Variants in KCNB2 observed in about 807,000 individuals in gnomAD.
KCNB2 encodes the protein delayed rectifier potassium channel protein.
KCNB2 carries 15 observed loss-of-function variants against 61.5 expected under a neutral mutation model. The ratio of observed to expected loss-of-function variants is 0.24; its 90% CI spans 0.16 to 0.38. The LOEUF is 0.38. KCNB2 is among the 10% of genes least tolerant of loss of function. KCNB2 has a pLI of 1.00. For synonymous variants in KCNB2, 457 were observed against 446.0 expected (o/e 1.02, Z -0.31); for missense variants, 828 against 1,125.2 (o/e 0.74, Z 3.78).
intron 2 of KCNB2, among the ~76,000 whole-genome samples, chr8:72,592,964 G>A (rs1369516743): frequency 7.9e-5 from 12 of 151,982 alleles, no homozygotes; most frequent in African/African-American, 2.9e-4. Context: ...AGAATCTAAG[G>A]GAATAAAAAT....
intron 2 of KCNB2, among the ~76,000 whole-genome samples, chr8:72,721,139 TA>T (rs1468589803): frequency 2.0e-5 from 3 of 152,352 alleles, no homozygotes; most frequent in African/African-American, 7.2e-5. Flanking sequence ...ACTGAAACTT[TA>T]AAATTGAAAC....
intron 1 of KCNB2, among the ~76,000 whole-genome samples, chr8:72,547,112 T>C (rs1208762491): frequency 2.0e-5 from 3 of 152,236 alleles, no homozygotes; most frequent in Admixed American, 1.3e-4. Context: ...CAATGAAGCC[T>C]GAATGAACAA....
chr8:72,729,267 G>A (rs566934795), intron 2 of KCNB2, among the ~76,000 whole-genome samples: 12 of 152,250 alleles, frequency 7.9e-5, no homozygotes, highest in East Asian at 1.9e-4. Flanking sequence ...CTAGGAATGC[G>A]CACCAATACT....
chr8:72,655,421 CCCTGAA>C (rs1192345254), intron 2 of KCNB2, among the ~76,000 whole-genome samples: 2 of 151,822 alleles, frequency 1.3e-5, no homozygotes, highest in East Asian at 3.9e-4. Flanking sequence ...GTATAACAAA[CCCTGAA>C]CCTAAAATAA....
intron 2 of KCNB2, among the ~76,000 whole-genome samples, chr8:72,578,133 C>T (rs1295601026): frequency 1.3e-5 from 2 of 152,158 alleles, no homozygotes; most frequent in Non-Finnish European, 2.9e-5. Context: ...CTCTGAAGAA[C>T]AGCAACAGAG....
chr8:72,836,031 A>G (rs1017511199), intron 2 of KCNB2, among the ~76,000 whole-genome samples: 14 of 152,202 alleles, frequency 9.2e-5, no homozygotes, highest in Admixed American at 7.9e-4. Context: ...AAAATTTTCA[A>G]TTGGGATGTT....
chr8:72,738,689 T>C (rs1373638066), intron 2 of KCNB2, among the ~76,000 whole-genome samples: 1 of 152,186 alleles, frequency 6.6e-6, no homozygotes, highest in Non-Finnish European at 1.5e-5. Flanking sequence ...CTGCACACAG[T>C]TGGCATGTGG....
chr8:72,567,822 A>T lies in KCNB2; in HGVS notation c.88A>T (p.Ser30Cys), dbSNP rs1806648562. The T allele has an allele frequency of 6.2e-7, 1 of 1,613,994 alleles. No individual in the cohort carries two copies. Among genetic ancestry groups the T allele is most frequent in the Non-Finnish European group, 8.5e-7 (1 of 1,179,986 alleles). Reference protein sequence around the residue: ...LPPEPVDIIRSKTCSRRVKIN... With the variant: ...LPPEPVDIIRCKTCSRRVKIN... The stretch of plus-strand genomic sequence containing the variant: ...TCCAGAGCCTGTGGACATTATCCGG[A>T]GCAAAACATGCTCCAGGAGAGTTAA... Residue 30 changes from serine (S) to cysteine (C), a missense_variant, in exon 2 of 3, where the codon AGC becomes TGC. By Grantham distance (112) the Ser-to-Cys change is moderately radical. Coordinates refer to ENST00000523207, the MANE Select transcript of KCNB2 (RefSeq NM_004770.3).
At chr8:72,759,415 A>G (rs1025972929) in intron 2 of KCNB2, among the ~76,000 whole-genome samples, 3 of 152,210 alleles carry the variant, frequency 2.0e-5, no homozygotes, top group Non-Finnish European at 2.9e-5. Context: ...CATGCCTCCT[A>G]TAGGCACTTG....
intron 2 of KCNB2, among the ~76,000 whole-genome samples, chr8:72,925,669 T>TG (rs1485642382): frequency 6.6e-6 from 1 of 152,214 alleles, no homozygotes; most frequent in Non-Finnish European, 1.5e-5. Context: ...TCAACCATTG[T>TG]GGAAGGCAGT....
intron 2 of KCNB2, among the ~76,000 whole-genome samples, chr8:72,771,047 A>C (rs897191265): frequency 6.6e-6 from 1 of 152,230 alleles, no homozygotes; most frequent in Non-Finnish European, 1.5e-5. Context: ...GCTCCCAGCT[A>C]TTGGCTAAGA....
intron 2 of KCNB2, among the ~76,000 whole-genome samples, chr8:72,667,031 G>A (rs1160627049): frequency 6.6e-6 from 1 of 151,738 alleles, no homozygotes; most frequent in Non-Finnish European, 1.5e-5. Flanking sequence ...GACAGAGAGG[G>A]ATGGAGAGAG....
chr8:72,687,718 G>T (rs1418818986), intron 2 of KCNB2, among the ~76,000 whole-genome samples: 1 of 152,150 alleles, frequency 6.6e-6, no homozygotes, highest in African/African-American at 2.4e-5. Context: ...GCAAGTGATG[G>T]TTCTACAGTG....
chr8:72,867,575 T>C (rs1375008617), intron 2 of KCNB2, among the ~76,000 whole-genome samples: 1 of 152,226 alleles, frequency 6.6e-6, no homozygotes, highest in Non-Finnish European at 1.5e-5. Context: ...AATGAGTGTG[T>C]GATCTATAGA....
intron 1 of KCNB2, among the ~76,000 whole-genome samples, chr8:72,552,300 A>G (rs1449221072): frequency 6.6e-6 from 1 of 152,212 alleles, no homozygotes; most frequent in Non-Finnish European, 1.5e-5. Flanking sequence ...ACTTCACAGG[A>G]AAGTTGTCTA....
chr8:72,552,532 T>A (rs79284812), intron 1 of KCNB2, among the ~76,000 whole-genome samples: 1 of 152,216 alleles, frequency 6.6e-6, no homozygotes, highest in Non-Finnish European at 1.5e-5. Context: ...ATTATTAGCA[T>A]GAACTACCTT....
intron 2 of KCNB2, among the ~76,000 whole-genome samples, chr8:72,713,383 C>T (rs1807361408): frequency 6.6e-6 from 1 of 152,160 alleles, no homozygotes; most frequent in Non-Finnish European, 1.5e-5. Flanking sequence ...CCCTGACCCC[C>T]AAGTACCCTA....
At chr8:72,903,693 A>G (rs1806124740) in intron 2 of KCNB2, among the ~76,000 whole-genome samples, 1 of 152,206 alleles carries the variant, frequency 6.6e-6, no homozygotes. Context: ...CAATAACTCT[A>G]AATCCAATGT....
chr8:72,619,531 A>ATT (rs374172215), intron 2 of KCNB2: 23,314 of 144,172 alleles, frequency 0.16, 2,320 homozygotes, highest in East Asian at 0.49. Flanking sequence ...GATTACCTCC[A>ATT]TTTTTTTTTT....
Sources: gnomAD v4.1 joint callset for allele counts (sites outside exome capture counted in the v4.1 genomes callset) on GRCh38, gnomAD v4.1.1 for gene constraint, MANE v1.5 for transcripts, NCBI Gene and HGNC (gene_info 2026-07-23, HGNC 2026-07-21) for gene names.